Variants in GSK3B observed in about 807,000 individuals in gnomAD.
GSK3B encodes the protein glycogen synthase kinase 3 beta.
GSK3B carries 15 observed loss-of-function variants against 56.4 expected under a neutral mutation model. That is an observed-to-expected ratio of 0.27 (90% CI 0.18 to 0.41). The LOEUF (loss-of-function observed/expected upper bound fraction) is 0.41. Among genes scored for constraint, GSK3B ranks in the 10% least tolerant of loss-of-function variants. The probability of loss-of-function intolerance (pLI) is 1.00; values close to 1 mark genes in which losing one functional copy is unlikely to be tolerated. For synonymous variants in GSK3B, 181 were observed against 188.9 expected (o/e 0.96, Z 0.34); for missense variants, 300 against 513.4 (o/e 0.58, Z 4.02).
intron 3 of GSK3B, among the ~76,000 whole-genome samples, chr3:119,923,833 A>G (rs765119114): frequency 7.2e-5 from 11 of 152,190 alleles, no homozygotes; most frequent in African/African-American, 1.7e-4. Context: ...TCCTATTAAG[A>G]TAAGTATCGT....
intron 7 of GSK3B, among the ~76,000 whole-genome samples, chr3:119,881,781 C>T (rs148501778): frequency 2.5e-4 from 38 of 152,306 alleles, no homozygotes; most frequent in Admixed American, 8.5e-4. Context: ...CCCTATTTCC[C>T]TCATGTCATG....
intron 9 of GSK3B, among the ~76,000 whole-genome samples, chr3:119,862,667 G>GTTTTTTTTTTTTTTTTTTTTTATTTTTT (rs79778347): frequency 9.1e-6 from 1 of 110,390 alleles, no homozygotes; most frequent in Admixed American, 9.4e-5. Flanking sequence ...ACTATTTCTT[G>GTTTTTTTTTTTTTTTTTTTTTATTTTTT]TTTTTTTTTT....
intron 7 of GSK3B, among the ~76,000 whole-genome samples, chr3:119,889,577 G>C (rs2056478445): frequency 6.6e-6 from 1 of 151,466 alleles, no homozygotes. Flanking sequence ...AAAGCCAATA[G>C]AAAAAATAAA....
At chr3:119,986,976 G>A (rs957592227) in intron 2 of GSK3B, among the ~76,000 whole-genome samples, 2 of 152,164 alleles carry the variant, frequency 1.3e-5, no homozygotes, top group Admixed American at 1.3e-4. Flanking sequence ...CACATATACA[G>A]CATGGAATAC....
At chr3:119,969,706 A>T (rs892971218) in intron 2 of GSK3B, among the ~76,000 whole-genome samples, 1 of 152,236 alleles carries the variant, frequency 6.6e-6, no homozygotes, top group African/African-American at 2.4e-5. Flanking sequence ...ACTTTCACAA[A>T]GGAACAAAGC....
At chr3:120,026,512 T>TACACACAC (rs61580328) in intron 1 of GSK3B, among the ~76,000 whole-genome samples, 12,687 of 130,190 alleles carry the variant, frequency 0.097, 564 homozygotes, top group South Asian at 0.13. Context: ...TACCGCCAAA[T>TACACACAC]ACACACACAC....
At chr3:120,074,352 C>CTT (rs61588608) in intron 1 of GSK3B, among the ~76,000 whole-genome samples, 6 of 134,788 alleles carry the variant, frequency 4.5e-5, no homozygotes, top group South Asian at 2.3e-4. Flanking sequence ...TCATGAGAAA[C>CTT]TTTTTTTTTT....
rs149212061 is a variant in GSK3B, at chr3:120,072,945, T to C, written c.88+20402A>G. On this transcript the variant is annotated intron_variant, in intron 1 of 10. Coordinates refer to ENST00000264235, the MANE Select transcript of GSK3B (RefSeq NM_001146156.2). Reference sequence around the variant, plus strand: ...CAGAGGTAGCAAGGCTCCATTTCTGTACATTCGCATACTCTTAGGACAGTA... The same window carrying C: ...CAGAGGTAGCAAGGCTCCATTTCTGCACATTCGCATACTCTTAGGACAGTA... Among the ~76,000 whole-genome samples the C allele has an allele frequency of 5.3e-4, 81 of 152,272 alleles. 1 individual carries two copies. In the East Asian group the frequency reaches 0.012, roughly 22 times the overall value.
chr3:119,876,608 G>A (rs553440109), intron 7 of GSK3B, 100 bp from the exon 8 acceptor site: 2 of 699,276 alleles, frequency 2.9e-6, no homozygotes, highest in Non-Finnish European at 5.1e-6. Context: ...GAATTCCCAA[G>A]TTAAATAAAA....
intron 1 of GSK3B, among the ~76,000 whole-genome samples, chr3:120,086,962 G>A (rs757668415): frequency 6.6e-6 from 1 of 152,050 alleles, no homozygotes; most frequent in Non-Finnish European, 1.5e-5. Flanking sequence ...TGCTTAATCA[G>A]TACCTATCCA....
chr3:119,944,029 G>A (rs905001286), intron 3 of GSK3B, among the ~76,000 whole-genome samples: 1 of 152,010 alleles, frequency 6.6e-6, no homozygotes, highest in African/African-American at 2.4e-5. Flanking sequence ...GGGAAAGAAA[G>A]TCAGAGATGT....
At chr3:120,054,983 A>G (rs892961325) in intron 1 of GSK3B, among the ~76,000 whole-genome samples, 1 of 152,166 alleles carries the variant, frequency 6.6e-6, no homozygotes, top group African/African-American at 2.4e-5. Context: ...TTGGACTCAG[A>G]CACCTAAAGA....
intron 2 of GSK3B, among the ~76,000 whole-genome samples, chr3:119,954,443 C>G (rs1048401041): frequency 2.0e-5 from 3 of 151,848 alleles, no homozygotes; most frequent in African/African-American, 7.3e-5. Context: ...TTCTGTGCAT[C>G]GGGCTGCAAT....
In GSK3B at chr3:120,026,083, G is replaced by A. The variant is rs539802827; in HGVS notation, c.89-23844C>T. Among the ~76,000 whole-genome samples, 9 of 152,254 alleles carry A rather than the reference G, an allele frequency of 5.9e-5. No homozygotes were observed. In the South Asian group the frequency reaches 1.7e-3, roughly 28 times the overall value. On this transcript the variant is annotated intron_variant, in intron 1 of 10. Coordinates refer to ENST00000264235, the MANE Select transcript of GSK3B (RefSeq NM_001146156.2). Reference sequence around the variant, plus strand: ...TAAATCATAAGTTGGGAAAGAAAATGTATTTCAGACATTCCTCCTACCCCC... The same window carrying A: ...TAAATCATAAGTTGGGAAAGAAAATATATTTCAGACATTCCTCCTACCCCC...
At chr3:119,899,418 T>C (rs2056603940) in intron 7 of GSK3B, among the ~76,000 whole-genome samples, 1 of 152,114 alleles carries the variant, frequency 6.6e-6, no homozygotes, top group Non-Finnish European at 1.5e-5. Context: ...TTAGGGTTAA[T>C]ATAATAATTA....
intron 2 of GSK3B, among the ~76,000 whole-genome samples, chr3:119,972,297 C>T (rs539031164): frequency 3.3e-5 from 5 of 152,028 alleles, no homozygotes; most frequent in Non-Finnish European, 5.9e-5. Flanking sequence ...ATATGATAGG[C>T]ATCATAAGAA....
chr3:119,972,156 G>A (rs1415203435), intron 2 of GSK3B, among the ~76,000 whole-genome samples: 5 of 152,108 alleles, frequency 3.3e-5, no homozygotes, highest in Non-Finnish European at 7.4e-5. Flanking sequence ...ATAGATAGCT[G>A]TTATACAGGT....
At chr3:119,909,631 G>A (rs1006150002) in intron 6 of GSK3B, among the ~76,000 whole-genome samples, 4 of 151,382 alleles carry the variant, frequency 2.6e-5, no homozygotes, top group Non-Finnish European at 4.4e-5. Context: ...CTTGGGTGAC[G>A]ACTTGAGAAG....
At chr3:120,006,884 C>T (rs915742903) in intron 1 of GSK3B, among the ~76,000 whole-genome samples, 1 of 151,354 alleles carries the variant, frequency 6.6e-6, no homozygotes, top group Non-Finnish European at 1.5e-5. Context: ...AAATTCAAAA[C>T]CTCGCAGAAG....
Sources: allele counts gnomAD v4.1 joint callset (sites outside exome capture counted in the v4.1 genomes callset), GRCh38; gene constraint gnomAD v4.1.1; transcripts MANE v1.5; gene names NCBI Gene and HGNC (gene_info 2026-07-23, HGNC 2026-07-21).